AKAP19: variants seen among roughly 807,000 people sequenced by gnomAD.
The protein encoded by AKAP19 is small A-kinase anchoring protein.
At chr2:190,016,163 C>G in the AKAP19 span, among the ~76,000 whole-genome samples, 3 of 152,190 alleles carry the variant, frequency 2.0e-5, no homozygotes, top group Admixed American at 6.5e-5. Context: ...ATAGCAGCAC[C>G]CCACTCCTAG....
At chr2:190,194,288 C>G in the AKAP19 span, among the ~76,000 whole-genome samples, 1 of 152,036 alleles carries the variant, frequency 6.6e-6, no homozygotes, top group Non-Finnish European at 1.5e-5. Context: ...CGTATTTTTT[C>G]TTTGACTATT....
chr2:190,075,209 T>C, the AKAP19 span, among the ~76,000 whole-genome samples: 2 of 152,208 alleles, frequency 1.3e-5, no homozygotes, highest in Non-Finnish European at 2.9e-5. Context: ...CCAGATATAT[T>C]TTTGTTACTG....
chr2:189,972,026 C>A, the AKAP19 span, among the ~76,000 whole-genome samples: 5 of 152,212 alleles, frequency 3.3e-5, no homozygotes, highest in Non-Finnish European at 5.9e-5. Context: ...GTTGCCATTG[C>A]TTTTGGTGTT....
chr2:189,930,741 C>T, the AKAP19 span: 14 of 673,286 alleles, frequency 2.1e-5, no homozygotes, highest in African/African-American at 3.7e-5. Context: ...AGATCACACA[C>T]TCCCAGATCT....
At chr2:190,009,003 G>A in the AKAP19 span, among the ~76,000 whole-genome samples, 1 of 151,996 alleles carries the variant, frequency 6.6e-6, no homozygotes, top group Admixed American at 6.6e-5. Context: ...GGCTGTCTGG[G>A]GTTCCAGACA....
the AKAP19 span, chr2:190,180,366 G>T: frequency 1.4e-6 from 1 of 700,632 alleles, no homozygotes; most frequent in Non-Finnish European, 1.8e-6. This position sits in a 1 kb window ranked among gnomAD's most constrained non-coding sequence, Gnocchi z 6.8. Context: ...AGGCCCCGCG[G>T]GGGAGAGGCC....
the AKAP19 span, among the ~76,000 whole-genome samples, chr2:189,885,701 T>C: frequency 2.6e-5 from 4 of 152,244 alleles, no homozygotes; most frequent in Non-Finnish European, 5.9e-5. Context: ...AGTATAGGGA[T>C]TGGAAATTCA....
the AKAP19 span, among the ~76,000 whole-genome samples, chr2:190,112,024 A>C: frequency 2.0e-5 from 3 of 152,064 alleles, no homozygotes; most frequent in African/African-American, 7.3e-5. Context: ...CAGCCTCCTG[A>C]GTAGCTGGGA....
the AKAP19 span, among the ~76,000 whole-genome samples, chr2:189,945,625 A>AT: frequency 2.0e-5 from 3 of 152,216 alleles, no homozygotes; most frequent in Non-Finnish European, 4.4e-5. Flanking sequence ...AATAGAATGA[A>AT]TTTTTTAAAA....
At chr2:190,160,974 T>G in the AKAP19 span, among the ~76,000 whole-genome samples, 1 of 152,314 alleles carries the variant, frequency 6.6e-6, no homozygotes, top group East Asian at 1.9e-4. Flanking sequence ...TATTTGGTCT[T>G]AGATGATTCA....
the AKAP19 span, among the ~76,000 whole-genome samples, chr2:189,981,597 C>T: frequency 6.6e-6 from 1 of 152,308 alleles, no homozygotes; most frequent in South Asian, 2.1e-4. Context: ...TATATGGGAT[C>T]TGTGCATTTT....
At chr2:189,910,415 ATTG>A in the AKAP19 span, among the ~76,000 whole-genome samples, 1 of 152,014 alleles carries the variant, frequency 6.6e-6, no homozygotes, top group African/African-American at 2.4e-5. Flanking sequence ...AGATAGCAGT[ATTG>A]TTGCTCTTAC....
chr2:190,144,976 CA>C, the AKAP19 span, among the ~76,000 whole-genome samples: 43 of 146,224 alleles, frequency 2.9e-4, no homozygotes, highest in Middle Eastern at 3.6e-3. Context: ...GAAACTGTCT[CA>C]AAAAAAAAAT....
At chr2:190,003,340 T>C in the AKAP19 span, among the ~76,000 whole-genome samples, 3 of 152,090 alleles carry the variant, frequency 2.0e-5, no homozygotes, top group African/African-American at 4.8e-5. Flanking sequence ...CTATTACTTA[T>C]ATCATTCTAA....
the AKAP19 span, among the ~76,000 whole-genome samples, chr2:190,088,979 T>C: frequency 6.6e-6 from 1 of 152,242 alleles, no homozygotes; most frequent in East Asian, 1.9e-4. Flanking sequence ...ATGAAAATTT[T>C]AGTTATTCTC....
At chr2:190,045,999 T>C in the AKAP19 span, among the ~76,000 whole-genome samples, 1 of 152,240 alleles carries the variant, frequency 6.6e-6, no homozygotes, top group East Asian at 1.9e-4. Flanking sequence ...AAGCATGATT[T>C]CCCAGGGTCG....
chr2:190,132,512 T>A, the AKAP19 span, among the ~76,000 whole-genome samples: 2 of 152,132 alleles, frequency 1.3e-5, no homozygotes, highest in Admixed American at 1.3e-4. Flanking sequence ...GGCAAAGATG[T>A]CAAGCATATA....
chr2:190,163,405 A>G, the AKAP19 span, among the ~76,000 whole-genome samples: 24 of 151,640 alleles, frequency 1.6e-4, no homozygotes, highest in Non-Finnish European at 3.2e-4. Flanking sequence ...CTGCACTCCA[A>G]CCTGGGAGAC....
the AKAP19 span, among the ~76,000 whole-genome samples, chr2:190,038,799 T>C: frequency 6.6e-6 from 1 of 152,148 alleles, no homozygotes; most frequent in South Asian, 2.1e-4. Flanking sequence ...GGGGAAGAAT[T>C]GCCAAAAAGA....
Sources: allele counts gnomAD v4.1 joint callset (sites outside exome capture counted in the v4.1 genomes callset), GRCh38; gene constraint gnomAD v4.1.1; non-coding constraint Gnocchi (gnomAD v3.1); transcripts MANE v1.5; gene names NCBI Gene and HGNC (gene_info 2026-07-23, HGNC 2026-07-21).